Variants in XPO5 observed in about 807,000 individuals in gnomAD.
The protein encoded by XPO5 is exportin 5.
A neutral mutation model predicts 160.6 loss-of-function variants in XPO5; 46 were observed. The observed-to-expected ratio is 0.29, with a 90% CI of 0.23 to 0.37. XPO5 has a LOEUF of 0.37. XPO5 is among the 10% of genes least tolerant of loss of function. XPO5 has a pLI of 1.00. For missense variants in XPO5, 1,090 were observed against 1,463.9 expected, an observed-to-expected ratio of 0.74 and a Z score of 4.17; for synonymous variants, 537 against 519.3, an observed-to-expected ratio of 1.03 and a Z score of -0.46.
Position 43,545,159 on chromosome 6 carries a change from C to T in XPO5, c.2342+1412G>A, listed in dbSNP as rs191446201. Among the ~76,000 whole-genome samples the T allele has an allele frequency of 2.2e-3, 341 of 152,168 alleles. 1 individual carries two copies. Among genetic ancestry groups the T allele is most frequent in the African/African-American group, 8.0e-3 (334 of 41,530 alleles). On this transcript the variant is annotated intron_variant, in intron 20 of 31. Transcript: ENST00000265351. ...AAGTGCTGGGATTACAGGTGTGAGC[C>T]ACCACACCCCGCCAAAATATTGTCT...
intron 18 of XPO5, 36 bp downstream of exon 18, chr6:43,548,225 A>G: frequency 6.5e-7 from 1 of 1,530,508 alleles, no homozygotes; most frequent in South Asian, 1.3e-5. Flanking sequence ...TGGGTGCTTG[A>G]GTATAGTAAG....
chr6:43,547,198 T>C (rs1795006165), intron 19 of XPO5: 1 of 356,080 alleles, frequency 2.8e-6, no homozygotes, highest in African/African-American at 2.1e-5. Context: ...ACTTGTGCCA[T>C]AATGGAGCCA....
intron 25 of XPO5, among the ~76,000 whole-genome samples, 172 bp downstream of exon 25, chr6:43,527,987 C>T (rs922331681): frequency 6.6e-6 from 1 of 152,198 alleles, no homozygotes; most frequent in African/African-American, 2.4e-5. Flanking sequence ...ATCTCAGAGT[C>T]TGCCTGCTGG....
intron 20 of XPO5, among the ~76,000 whole-genome samples, chr6:43,542,608 T>C (rs954084687): frequency 1.3e-5 from 2 of 151,980 alleles, no homozygotes; most frequent in African/African-American, 4.8e-5. Context: ...GTATTTTGAG[T>C]AGAGACGGGG....
intron 2 of XPO5, 72 bp from the exon 3 acceptor site, chr6:43,572,650 T>A: frequency 6.9e-7 from 1 of 1,442,890 alleles, no homozygotes; most frequent in Non-Finnish European, 9.7e-7. Flanking sequence ...ATAGCATGGA[T>A]TTCTACATTT....
chr6:43,549,390 T>C (rs1582223781), intron 17 of XPO5, 99 bp downstream of exon 17: 3 of 1,201,150 alleles, frequency 2.5e-6, no homozygotes, highest in South Asian at 1.5e-5. Context: ...TGCAAAGCTA[T>C]AGTTTCTAGT....
At chr6:43,527,502 G>T in intron 26 of XPO5, 132 bp downstream of exon 26, 1 of 818,102 alleles carries the variant, frequency 1.2e-6, no homozygotes, top group Non-Finnish European at 2.0e-6. Context: ...TTGATCTTTT[G>T]ACCTCGCAAT....
chr6:43,570,846 G>C lies in XPO5; in HGVS notation c.438+11C>G. On this transcript the variant is annotated intron_variant, in intron 4 of 31. Transcript: ENST00000265351. Reference sequence around the variant, plus strand: ...AAAAGTATACCAAACTGATATAGCTGTGTTTCATACCCCTTGTTTGGAAAG... The same window carrying C: ...AAAAGTATACCAAACTGATATAGCTCTGTTTCATACCCCTTGTTTGGAAAG... 1 of 1,603,748 alleles carries C rather than the reference G, an allele frequency of 6.2e-7. No individual in the cohort carries two copies. Among genetic ancestry groups the C allele is most frequent in the Non-Finnish European group, 8.5e-7 (1 of 1,176,370 alleles).
At chr6:43,525,592 A>T in intron 28 of XPO5, 1 of 537,846 alleles carries the variant, frequency 1.9e-6, no homozygotes, top group Non-Finnish European at 3.3e-6. Context: ...TGGGGAGGCT[A>T]AACACCAGGG....
intron 10 of XPO5, 96 bp downstream of exon 10, chr6:43,560,828 C>T: frequency 1.9e-6 from 2 of 1,059,378 alleles, no homozygotes; most frequent in Non-Finnish European, 2.9e-6. Flanking sequence ...TGAAGAGTCA[C>T]ATTTTATACA....
In XPO5 at chr6:43,565,689, A is replaced by C. The variant is rs1322614396; in HGVS notation, c.882T>G (p.Val294=). ...RKPLMVLFGD[V]AMHYILSAAQ... ...CGGCGGAGAGTATATAATGCATGGC[A>C]ACATCTCCAAATAAGACCATCAAGG... is the stretch of plus-strand genomic sequence containing the variant. Residue 294 remains valine (V), a synonymous_variant, in exon 8 of 32, where the codon GTT becomes GTG. Coordinates refer to ENST00000265351, the MANE Select transcript of XPO5 (RefSeq NM_020750.3). 1 of 1,610,256 alleles carries C rather than the reference A, an allele frequency of 6.2e-7. No homozygotes were observed. Among genetic ancestry groups the C allele is most frequent in the South Asian group, 1.1e-5 (1 of 89,882 alleles).
At chr6:43,530,072 T>C (rs1793867993) in intron 23 of XPO5, among the ~76,000 whole-genome samples, 1 of 152,034 alleles carries the variant, frequency 6.6e-6, no homozygotes, top group Non-Finnish European at 1.5e-5. Context: ...CTGGCCAACA[T>C]GGCGAAAACC....
At chr6:43,529,071 A>C in intron 23 of XPO5, 146 bp from the exon 24 acceptor site, 1 of 1,108,110 alleles carries the variant, frequency 9.0e-7, no homozygotes, top group South Asian at 1.5e-5. Flanking sequence ...AAAATCTTAA[A>C]GTTCTTTTCC....
chr6:43,528,528 G>A lies in XPO5; in HGVS notation c.2775+300C>T, dbSNP rs139281156. ...GCTTAATTCTAGAGTAAGGATAACA[G>A]ACCCAGCATTCCTGGCAAGGGTCTG... On this transcript the variant is annotated intron_variant, in intron 24 of 31. Coordinates refer to ENST00000265351, the MANE Select transcript of XPO5 (RefSeq NM_020750.3). 1.1e-4 allele frequency among the ~76,000 whole-genome samples: 16 copies of A among 152,248 alleles called. No homozygotes were observed. The East Asian group carries it at 3.1e-3, about 29-fold the overall frequency.
chr6:43,523,691 G>A lies in XPO5; in HGVS notation c.*177C>T. 2 of 962,576 alleles carry A rather than the reference G, an allele frequency of 2.1e-6. No individual in the cohort carries two copies. The highest frequency in any genetic ancestry group is 3.4e-6 in the Non-Finnish European group (2 of 586,678). 59.6% of individuals were successfully genotyped at this position (962,576 alleles called of 1,614,324 possible). On this transcript the variant is annotated 3_prime_UTR_variant, in exon 32 of 32. Transcript: ENST00000265351. ...CCTAACTCCCTTTCTTGATACTTTA[G>A]TATAATTACTTCTGGTCCTGCACAG...
rs748740333 is a variant in XPO5, at chr6:43,553,510, AACACACACACACACATACACAC to A, written c.1442-29_1442-8del. The A allele has an allele frequency of 2.5e-5, 38 of 1,503,560 alleles. No individual in the cohort carries two copies. Among genetic ancestry groups the A allele is most frequent in the African/African-American group, 1.9e-4 (13 of 68,584 alleles). 93.1% of individuals were successfully genotyped at this position (1,503,560 alleles called of 1,614,324 possible). A position where few individuals can be genotyped will look rare whatever the true frequency, so the allele number is the denominator to read the frequency against. ...GTTCCAACTGCAGAACAAGCTTTAA[AACACACACACACACATACACAC>A]ACACACACACACACACAATTATCAG... On this transcript the variant is annotated splice_polypyrimidine_tract_variant and splice_region_variant and intron_variant, in intron 13 of 31. Transcript: ENST00000265351.
At chr6:43,525,672 G>A (rs2127699123) in intron 28 of XPO5, 167 bp downstream of exon 28, 2 of 658,568 alleles carry the variant, frequency 3.0e-6, no homozygotes, top group East Asian at 5.5e-5. Flanking sequence ...GAGACACCAT[G>A]GCATTGCACC....
At chr6:43,574,157 G>A (rs957631921) in intron 1 of XPO5, among the ~76,000 whole-genome samples, 2 of 151,798 alleles carry the variant, frequency 1.3e-5, no homozygotes, top group Admixed American at 6.6e-5. Context: ...TAAATTAGCC[G>A]GGCATGGTGG....
intron 3 of XPO5, among the ~76,000 whole-genome samples, chr6:43,571,590 A>G (rs574444284): frequency 1.0e-3 from 157 of 152,296 alleles, no homozygotes; most frequent in African/African-American, 3.6e-3. Flanking sequence ...GCTTGAGGCC[A>G]GGGGTTTGAG....
Sources: gnomAD v4.1 joint callset for allele counts (sites outside exome capture counted in the v4.1 genomes callset) on GRCh38, gnomAD v4.1.1 for gene constraint, MANE v1.5 for transcripts, NCBI Gene and HGNC (gene_info 2026-07-23, HGNC 2026-07-21) for gene names.